Variants in TMEM117 observed in about 807,000 individuals in gnomAD.
TMEM117 encodes transmembrane protein 117.
Under a neutral mutation model 52.4 loss-of-function variants are expected in TMEM117, and 27 were observed. The observed-to-expected ratio is 0.51, with a 90% CI of 0.38 to 0.71. The LOEUF (loss-of-function observed/expected upper bound fraction) is 0.71. Ranked by LOEUF, TMEM117 falls within the 30% of genes least tolerant of loss-of-function variation. The probability of loss-of-function intolerance (pLI) is 0.00; values close to 1 mark genes in which losing one functional copy is unlikely to be tolerated. For synonymous variants in TMEM117, 215 were observed against 206.3 expected (o/e 1.04, Z -0.36); for missense variants, 556 against 630.5 (o/e 0.88, Z 1.26).
chr12:43,848,397 T>G (rs900247216), intron 2 of TMEM117, among the ~76,000 whole-genome samples: 3 of 152,148 alleles, frequency 2.0e-5, no homozygotes, highest in Non-Finnish European at 4.4e-5. Context: ...AGCTGCCGTT[T>G]ATAGACCTCC....
At chr12:44,070,467 G>A (rs1272769199) in intron 3 of TMEM117, among the ~76,000 whole-genome samples, 1 of 152,198 alleles carries the variant, frequency 6.6e-6, no homozygotes, top group Non-Finnish European at 1.5e-5. Flanking sequence ...GAAGAAGTTG[G>A]GGGTGGATAT....
chr12:44,073,677 A>C, intron 3 of TMEM117: 1 of 152,256 alleles, frequency 6.6e-6, no homozygotes, highest in East Asian at 1.9e-4. Context: ...AGGTTGGAGC[A>C]AGGAGAGTAG....
At chr12:43,897,800 G>A (rs1944232794) in intron 2 of TMEM117, among the ~76,000 whole-genome samples, 1 of 151,910 alleles carries the variant, frequency 6.6e-6, no homozygotes, top group African/African-American at 2.4e-5. Flanking sequence ...TTGCAGAGGT[G>A]AGGTGTCACC....
At chr12:44,060,067 A>G (rs1238088584) in intron 3 of TMEM117, among the ~76,000 whole-genome samples, 2 of 152,234 alleles carry the variant, frequency 1.3e-5, no homozygotes, top group Non-Finnish European at 2.9e-5. Flanking sequence ...TATGAGAAAT[A>G]TGAAGGCTCT....
intron 5 of TMEM117, among the ~76,000 whole-genome samples, chr12:44,266,776 T>C (rs1950383116): frequency 6.6e-6 from 1 of 152,182 alleles, no homozygotes; most frequent in Non-Finnish European, 1.5e-5. Flanking sequence ...TTGATCCATT[T>C]TGAGTTATTA....
intron 5 of TMEM117, among the ~76,000 whole-genome samples, chr12:44,297,724 G>A (rs1270167462): frequency 6.6e-6 from 1 of 152,124 alleles, no homozygotes; most frequent in Non-Finnish European, 1.5e-5. Flanking sequence ...AAAAGAAATT[G>A]TGGTGATTTC....
intron 4 of TMEM117, among the ~76,000 whole-genome samples, chr12:44,165,763 A>G (rs757035137): frequency 4.6e-5 from 7 of 152,204 alleles, no homozygotes; most frequent in Non-Finnish European, 1.0e-4. Context: ...ACAGGCTTCA[A>G]TACAATAACA....
chr12:44,131,529 T>C (rs1259998144), intron 3 of TMEM117, among the ~76,000 whole-genome samples: 2 of 152,132 alleles, frequency 1.3e-5, no homozygotes, highest in African/African-American at 4.8e-5. Context: ...TTAAATCCTT[T>C]ATATCCTTAC....
intron 3 of TMEM117, among the ~76,000 whole-genome samples, chr12:44,094,618 A>G (rs951057163): frequency 6.6e-6 from 1 of 152,100 alleles, no homozygotes; most frequent in Non-Finnish European, 1.5e-5. Flanking sequence ...ATATCCCCTT[A>G]AACCTTGTCT....
At chr12:43,871,721 A>ATT in intron 2 of TMEM117, among the ~76,000 whole-genome samples, 1 of 151,876 alleles carries the variant, frequency 6.6e-6, no homozygotes, top group African/African-American at 2.4e-5. Context: ...TTTTGTTAAG[A>ATT]GATGTATGCT....
chr12:43,852,744 A>G (rs529962870), intron 2 of TMEM117, among the ~76,000 whole-genome samples: 21 of 152,368 alleles, frequency 1.4e-4, no homozygotes, highest in African/African-American at 5.0e-4. Context: ...GAACATCAAG[A>G]CTGTAATAAT....
At position 44,272,402 on chromosome 12, in the gene TMEM117, A is replaced by G. The variant is rs149230956; in HGVS notation, c.609-27178A>G. 3.6e-3 allele frequency among the ~76,000 whole-genome samples: 553 copies of G among 152,340 alleles called. 3 individuals are homozygous for G. The highest frequency in any genetic ancestry group is 0.014 in the East Asian group (75 of 5,188). On this transcript the variant is annotated intron_variant, in intron 5 of 7. Coordinates refer to ENST00000266534, the MANE Select transcript of TMEM117 (RefSeq NM_032256.3). ...TCTAATTCAACTAAAGAGCTTCTGC[A>G]CAGCAAAAGAAACTACCATCAGAGT... is the stretch of plus-strand genomic sequence containing the variant.
chr12:43,935,974 A>T (rs2137592442), intron 2 of TMEM117, among the ~76,000 whole-genome samples: 1 of 152,294 alleles, frequency 6.6e-6, no homozygotes, highest in East Asian at 1.9e-4. Context: ...AAAGGATGGG[A>T]GTGGTGAGGG....
intron 2 of TMEM117, among the ~76,000 whole-genome samples, chr12:43,888,815 T>A (rs1311435383): frequency 6.6e-6 from 1 of 152,142 alleles, no homozygotes; most frequent in Non-Finnish European, 1.5e-5. Flanking sequence ...CCCAAAGTGC[T>A]GGGATTACAG....
chr12:44,174,294 A>G (rs1323850624), intron 4 of TMEM117, among the ~76,000 whole-genome samples: 1 of 152,192 alleles, frequency 6.6e-6, no homozygotes, highest in African/African-American at 2.4e-5. Flanking sequence ...GAACACAGCC[A>G]CAATCATTTG....
the TMEM117 span, chr12:43,802,582 A>G: frequency 9.3e-6 from 7 of 754,428 alleles, no homozygotes; most frequent in Non-Finnish European, 1.5e-5. Flanking sequence ...TTCACATCAA[A>G]AAGTTGAAAA....
intron 3 of TMEM117, among the ~76,000 whole-genome samples, chr12:43,952,967 A>G (rs1053736129): frequency 1.3e-5 from 2 of 152,196 alleles, no homozygotes; most frequent in African/African-American, 4.8e-5. Flanking sequence ...CCTGCAAGCC[A>G]GAAGAGACTG....
chr12:44,269,311 A>G (rs868327240), intron 5 of TMEM117, among the ~76,000 whole-genome samples: 3 of 152,014 alleles, frequency 2.0e-5, no homozygotes, highest in East Asian at 1.9e-4. Context: ...TGACTACACA[A>G]CCCTTCTTGT....
At position 44,125,293 on chromosome 12, in the gene TMEM117, G is replaced by C. The variant is rs559068290; in HGVS notation, c.411-18232G>C. Among the ~76,000 whole-genome samples the C allele has an allele frequency of 9.2e-5, 14 of 152,182 alleles. No individual in the cohort carries two copies. The East Asian group carries it at 2.7e-3, about 30-fold the overall frequency. On this transcript the variant is annotated intron_variant, in intron 3 of 7. Coordinates refer to ENST00000266534, the MANE Select transcript of TMEM117 (RefSeq NM_032256.3). Reference sequence around the variant, plus strand: ...CTAATTCTTTTTTGTATTTTTAGTAGAGACGGGGTTTCACCGTGTTAGCCA... The same window carrying C: ...CTAATTCTTTTTTGTATTTTTAGTACAGACGGGGTTTCACCGTGTTAGCCA...
Sources: gnomAD v4.1 joint callset for allele counts (sites outside exome capture counted in the v4.1 genomes callset) on GRCh38, gnomAD v4.1.1 for gene constraint, MANE v1.5 for transcripts, NCBI Gene and HGNC (gene_info 2026-07-23, HGNC 2026-07-21) for gene names.